Variants in UNC5C observed in about 807,000 individuals in gnomAD.
The protein encoded by UNC5C is unc-5 netrin receptor C.
In UNC5C, 47 loss-of-function variants were observed where a neutral mutation model predicts 99.8. The observed-to-expected ratio is 0.47, with a 90% confidence interval of 0.37 to 0.60. UNC5C has a LOEUF of 0.60. UNC5C is among the 20% of genes least tolerant of loss of function. The probability of loss-of-function intolerance (pLI) is 0.00; values close to 1 mark genes in which losing one functional copy is unlikely to be tolerated. For missense variants in UNC5C, 1,062 were observed against 1,165.9 expected (o/e 0.91, Z 1.30); for synonymous variants, 487 against 452.2 (o/e 1.08, Z -0.98).
chr4:95,202,788 G>C lies in UNC5C; in HGVS notation c.2079C>G (p.Ser693=), dbSNP rs746256086. Residue 693 remains serine, a synonymous_variant, in exon 12 of 16, where the codon TCC becomes TCG. Transcript: ENST00000453304. ...KLAIFGPLCC[S]SLEYSIRVYC... Reference sequence around the variant, plus strand: ...AGACTCGGATGCTGTACTCCAGCGAGGAGCAGCACAGGGGCCCAAAGATGG... The same window carrying C: ...AGACTCGGATGCTGTACTCCAGCGACGAGCAGCACAGGGGCCCAAAGATGG... 1.9e-5 allele frequency: 31 copies of C among 1,614,158 alleles called. No individual in the cohort carries two copies. Among genetic ancestry groups the C allele is most frequent in the Admixed American group, 1.0e-4 (6 of 60,016 alleles).
rs145625889 is a variant in UNC5C, at chr4:95,407,226, G to A, written c.125-71595C>T. Among the ~76,000 whole-genome samples, 1,211 of 152,164 alleles carry A rather than the reference G, an allele frequency of 8.0e-3. 19 individuals carry two copies. The highest frequency in any genetic ancestry group is 0.027 in the African/African-American group (1,127 of 41,514). On this transcript the variant is annotated intron_variant, in intron 1 of 15. Coordinates refer to ENST00000453304, the MANE Select transcript of UNC5C (RefSeq NM_003728.4). ...AGAATTTTATATGCAGCACAGTATC[G>A]ATTGACTATATGAAGAGAATAAAGG...
At chr4:95,309,616 A>C (rs1462261780) in intron 2 of UNC5C, among the ~76,000 whole-genome samples, 1 of 152,186 alleles carries the variant, frequency 6.6e-6, no homozygotes, top group Non-Finnish European at 1.5e-5. Flanking sequence ...AAAACTGGGC[A>C]GAGGATCCCA....
chr4:95,529,886 A>G (rs997335675), intron 1 of UNC5C, among the ~76,000 whole-genome samples: 2 of 152,224 alleles, frequency 1.3e-5, no homozygotes, highest in South Asian at 2.1e-4. Flanking sequence ...AAGTCAAAAT[A>G]TGCAGACAAA....
rs146932015 is a variant in UNC5C, at chr4:95,170,270, C to T, written c.2514G>A (p.Gly838=). 1,773 of 1,614,118 alleles carry T rather than the reference C, an allele frequency of 1.1e-3. No homozygotes were observed. The highest frequency in any genetic ancestry group is 1.4e-3 in the Non-Finnish European group (1,605 of 1,180,032). The change falls in exon 15 of 16, where the codon GGG becomes GGA. Residue 838 remains glycine, a synonymous_variant. Coordinates refer to ENST00000453304, the MANE Select transcript of UNC5C (RefSeq NM_003728.4). ...DPANTITTVT[G]PSAFSIPLPI... is the part of the protein sequence containing the mutation. ...GGAGAGGGATGCTGAAAGCACTGGG[C>T]CCCGTGACCGTGGTGATGGTGTTCG...
At chr4:95,380,651 C>T (rs912483301) in intron 1 of UNC5C, among the ~76,000 whole-genome samples, 5 of 152,072 alleles carry the variant, frequency 3.3e-5, no homozygotes, top group African/African-American at 1.2e-4. Context: ...AAAACAAAAA[C>T]CCTGCGAACT....
chr4:95,367,595 C>G (rs756693631), intron 1 of UNC5C, among the ~76,000 whole-genome samples: 5 of 151,904 alleles, frequency 3.3e-5, no homozygotes, highest in Non-Finnish European at 5.9e-5. Flanking sequence ...AATGTGATCA[C>G]CTCTTCTCTA....
chr4:95,171,479 A>G (rs1736107504), intron 14 of UNC5C, among the ~76,000 whole-genome samples: 1 of 151,436 alleles, frequency 6.6e-6, no homozygotes, highest in African/African-American at 2.4e-5. Context: ...GTGAGTGAGA[A>G]TATGCAGTGT....
chr4:95,496,074 T>C (rs1721624055), intron 1 of UNC5C, among the ~76,000 whole-genome samples: 1 of 151,748 alleles, frequency 6.6e-6, no homozygotes. Context: ...TACAACTAAC[T>C]GAAACATCTG....
At chr4:95,459,128 T>G (rs1469814580) in intron 1 of UNC5C, among the ~76,000 whole-genome samples, 1 of 152,126 alleles carries the variant, frequency 6.6e-6, no homozygotes, top group Non-Finnish European at 1.5e-5. Flanking sequence ...TACAAGGAAC[T>G]CTGAATCCCA....
At chr4:95,376,457 A>C (rs1486285107) in intron 1 of UNC5C, among the ~76,000 whole-genome samples, 4 of 152,116 alleles carry the variant, frequency 2.6e-5, no homozygotes, top group African/African-American at 9.7e-5. Context: ...ATTTATCAAT[A>C]TTTATGTTGG....
chr4:95,471,760 C>CATAA (rs1747975442), intron 1 of UNC5C, among the ~76,000 whole-genome samples: 1 of 152,010 alleles, frequency 6.6e-6, no homozygotes, highest in Non-Finnish European at 1.5e-5. Flanking sequence ...TGAATCTTAA[C>CATAA]AGCACGTGAT....
chr4:95,175,930 G>A (rs1192381432), intron 14 of UNC5C, among the ~76,000 whole-genome samples: 1 of 151,390 alleles, frequency 6.6e-6, no homozygotes, highest in African/African-American at 2.4e-5. Context: ...TTTCTTGGAG[G>A]CTTTGCTCAT....
intron 1 of UNC5C, among the ~76,000 whole-genome samples, chr4:95,472,783 G>C (rs1346965690): frequency 6.6e-6 from 1 of 151,864 alleles, no homozygotes; most frequent in Non-Finnish European, 1.5e-5. Flanking sequence ...CACTGTTCAG[G>C]CTTATTAACT....
chr4:95,444,998 C>T (rs1249937704), intron 1 of UNC5C, among the ~76,000 whole-genome samples: 1 of 152,118 alleles, frequency 6.6e-6, no homozygotes, highest in African/African-American at 2.4e-5. Context: ...ACTAAACTGA[C>T]AGCTGTGGAG....
chr4:95,394,651 CTGTG>C (rs10527279), intron 1 of UNC5C, among the ~76,000 whole-genome samples: 1 of 147,634 alleles, frequency 6.8e-6, no homozygotes, highest in East Asian at 2.0e-4. Flanking sequence ...AAGGTATTTG[CTGTG>C]TGTGTGTGTG....
chr4:95,454,047 T>C (rs1289997259), intron 1 of UNC5C, among the ~76,000 whole-genome samples: 1 of 152,106 alleles, frequency 6.6e-6, no homozygotes, highest in Non-Finnish European at 1.5e-5. Context: ...GTAGAGGATG[T>C]TCTGCGGGGT....
At chr4:95,203,730 C>A (rs539914561) in intron 11 of UNC5C, among the ~76,000 whole-genome samples, 108 of 152,304 alleles carry the variant, frequency 7.1e-4, no homozygotes, top group Non-Finnish European at 1.1e-3. Context: ...TCCCAAAGCG[C>A]TGGGATTACA....
At chr4:95,299,081 C>T (rs768018544) in intron 3 of UNC5C, among the ~76,000 whole-genome samples, 1 of 152,068 alleles carries the variant, frequency 6.6e-6, no homozygotes, top group Non-Finnish European at 1.5e-5. Context: ...ATGGGGAAGC[C>T]CTAACCCTCA....
chr4:95,330,375 AAT>A lies in UNC5C; in HGVS notation c.346+5033_346+5034del, dbSNP rs1312933606. 2.0e-5 allele frequency among the ~76,000 whole-genome samples: 3 copies of A among 152,176 alleles called. No individual in the cohort carries two copies. The South Asian group carries it at 6.2e-4, about 32-fold the overall frequency. ...AACATATTCGACCTTTCCATTCAAG[AAT>A]ATGTCTTTCCTTAATGTAAGTCATG... is the stretch of plus-strand genomic sequence containing the variant. On this transcript the variant is annotated intron_variant, in intron 2 of 15. Coordinates refer to ENST00000453304, the MANE Select transcript of UNC5C (RefSeq NM_003728.4).
Sources: gnomAD v4.1 joint callset for allele counts (sites outside exome capture counted in the v4.1 genomes callset) on GRCh38, gnomAD v4.1.1 for gene constraint, MANE v1.5 for transcripts, NCBI Gene and HGNC (gene_info 2026-07-23, HGNC 2026-07-21) for gene names.